The following SMG1 variants were observed in gnomAD, a reference collection of about 807,000 sequenced individuals.
SMG1 encodes the protein SMG1 nonsense mediated mRNA decay associated PI3K related kinase.
A neutral mutation model predicts 419.9 loss-of-function variants in SMG1; 22 were observed. The ratio of observed to expected loss-of-function variants is 0.05; its 90% CI spans 0.04 to 0.07. SMG1 has a LOEUF of 0.07. Among genes scored for constraint, SMG1 ranks in the 10% least tolerant of loss-of-function variants. The pLI, the probability that SMG1 is intolerant of heterozygous loss-of-function variation, is 1.00. For synonymous variants in SMG1, 1,538 were observed against 1,553.5 expected (o/e 0.99, Z 0.23); for missense variants, 3,185 against 4,342.0 (o/e 0.73, Z 7.49).
intron 13 of SMG1, among the ~76,000 whole-genome samples, chr16:18,874,789 C>A (rs2036015314): frequency 7.8e-6 from 1 of 127,732 alleles, no homozygotes; most frequent in Non-Finnish European, 1.6e-5. Flanking sequence ...TTGCTGGAAC[C>A]CGGGAGGCAG....
chr16:18,830,875 T>C (rs2033129468), intron 51 of SMG1, among the ~76,000 whole-genome samples: 1 of 152,254 alleles, frequency 6.6e-6, no homozygotes, highest in Admixed American at 6.5e-5. Context: ...CAATTCGTTA[T>C]TAATGACTGT....
At chr16:18,898,013 G>C (rs2037203274) in intron 1 of SMG1, among the ~76,000 whole-genome samples, 1 of 152,144 alleles carries the variant, frequency 6.6e-6, no homozygotes, top group African/African-American at 2.4e-5. Flanking sequence ...CAGACACTAA[G>C]CTATTCCTCT....
intron 13 of SMG1, chr16:18,875,909 T>C (rs2036104994): frequency 7.1e-6 from 4 of 562,178 alleles, no homozygotes; most frequent in Non-Finnish European, 1.3e-5. Context: ...AAAAAACTTA[T>C]CAAGATTTGT....
intron 1 of SMG1, among the ~76,000 whole-genome samples, chr16:18,909,108 C>T (rs1596646482): frequency 6.6e-6 from 1 of 150,450 alleles, no homozygotes; most frequent in African/African-American, 2.5e-5. Flanking sequence ...TTTAGGAGGC[C>T]GAGGCAGGTG....
chr16:18,880,540 T>C (rs1596584169), intron 10 of SMG1, among the ~76,000 whole-genome samples: 1 of 151,946 alleles, frequency 6.6e-6, no homozygotes, highest in African/African-American at 2.4e-5. Context: ...TAACAACACC[T>C]CATCTCTACT....
At chr16:18,883,018 G>A (rs2036466231) in intron 9 of SMG1, among the ~76,000 whole-genome samples, 2 of 152,138 alleles carry the variant, frequency 1.3e-5, no homozygotes, top group African/African-American at 4.8e-5. Context: ...TTCTAGGTGT[G>A]GGGGCAAAGA....
At chr16:18,850,591 T>G in intron 33 of SMG1, 124 bp from the exon 34 acceptor site, 1 of 643,680 alleles carries the variant, frequency 1.6e-6, no homozygotes, top group Non-Finnish European at 2.7e-6. Flanking sequence ...CCACATTTAG[T>G]GTTATACACA....
At chr16:18,865,522 T>C (rs2035451721) in intron 23 of SMG1, among the ~76,000 whole-genome samples, 1 of 147,976 alleles carries the variant, frequency 6.8e-6, no homozygotes, top group African/African-American at 2.7e-5. Context: ...TAAGCAAAGA[T>C]ATTAAGTGCT....
intron 3 of SMG1, among the ~76,000 whole-genome samples, chr16:18,893,418 A>G (rs2036971717): frequency 6.6e-6 from 1 of 152,168 alleles, no homozygotes; most frequent in Non-Finnish European, 1.5e-5. Context: ...TGAGCCCAGG[A>G]GTTCGAGACC....
At chr16:18,893,871 C>T (rs1393632830) in intron 3 of SMG1, among the ~76,000 whole-genome samples, 3 of 151,978 alleles carry the variant, frequency 2.0e-5, no homozygotes, top group African/African-American at 4.8e-5. Flanking sequence ...GCCTGGCCAA[C>T]GTGGTGGAAC....
At chr16:18,897,193 G>A (rs1180257443) in intron 1 of SMG1, among the ~76,000 whole-genome samples, 1 of 152,168 alleles carries the variant, frequency 6.6e-6, no homozygotes, top group African/African-American at 2.4e-5. Flanking sequence ...GACCCATTCA[G>A]AAATATGAAC....
At chr16:18,851,392 TAC>T (rs71374432) in intron 33 of SMG1, among the ~76,000 whole-genome samples, 15,526 of 150,002 alleles carry the variant, frequency 0.1, 866 homozygotes, top group Middle Eastern at 0.18. Context: ...TAAGTTTAAA[TAC>T]ACACACACAC....
rs1350973736 is a variant in SMG1 at position 18,838,188 on chromosome 16, C to G, written c.7239G>C (p.Leu2413=). Residue 2413 remains leucine, a synonymous_variant, in exon 45 of 63, where the codon CTG becomes CTC. Coordinates refer to ENST00000446231, the MANE Select transcript of SMG1 (RefSeq NM_015092.5). The stretch of plus-strand genomic sequence containing the variant: ...GAGGGTCGTACACAAAGGCCTCCAG[C>G]AGCGTCAGCAGGGTCTCTCTGCCAC... ...MRRGRETLLT[L]LEAFVYDPLV... 1.2e-6 allele frequency: 2 copies of G among 1,612,674 alleles called. No individual in the cohort carries two copies. Among genetic ancestry groups the G allele is most frequent in the Non-Finnish European group, 1.7e-6 (2 of 1,179,240 alleles).
intron 31 of SMG1, 70 bp from the exon 32 acceptor site, chr16:18,852,532 G>A (rs1160350962): frequency 1.5e-5 from 19 of 1,289,354 alleles, no homozygotes; most frequent in East Asian, 2.8e-5. Context: ...AATTCCTAAC[G>A]ACATTTCCAT....
chr16:18,862,803 C>T (rs1596542540), intron 25 of SMG1, among the ~76,000 whole-genome samples: 1 of 152,168 alleles, frequency 6.6e-6, no homozygotes, highest in African/African-American at 2.4e-5. Flanking sequence ...GCCCTTATAT[C>T]CTACTGTTTA....
At chr16:18,838,527 A>G in intron 43 of SMG1, 24 bp downstream of exon 43, 1 of 1,613,956 alleles carries the variant, frequency 6.2e-7, no homozygotes, top group Non-Finnish European at 8.5e-7. Context: ...GCCCTCATAA[A>G]TGTAAAGTCT....
intron 1 of SMG1, among the ~76,000 whole-genome samples, chr16:18,921,717 T>C (rs1342091547): frequency 6.6e-6 from 1 of 152,228 alleles, no homozygotes; most frequent in East Asian, 1.9e-4. Context: ...TACAGACTGA[T>C]AAAAGGCTGA....
chr16:18,834,962 G>C lies in SMG1; in HGVS notation c.8260C>G (p.His2754Asp), dbSNP rs2033461736. The C allele has an allele frequency of 3.7e-6, 6 of 1,613,884 alleles. No homozygotes were observed. The highest frequency in any genetic ancestry group is 5.1e-6 in the Non-Finnish European group (6 of 1,179,892). Residue 2754 changes from histidine to aspartate, a missense_variant, in exon 49 of 63, where the codon CAT becomes GAT. Physicochemically the swap from His to Asp is moderately conservative, Grantham distance 81. This residue lies in a region of SMG1 where 412 missense variants were observed against 546.6 expected (regional missense o/e 0.75). Transcript: ENST00000446231. ...EIERCIKVFL[H>D]ENGEEGSLSL... ...AAAGATCCTTCTTCTCCATTCTCATGAAGGAAAACTTTAATGCAACGTTCA... is the reference window on the plus strand; with the variant it reads ...AAAGATCCTTCTTCTCCATTCTCATCAAGGAAAACTTTAATGCAACGTTCA...
intron 13 of SMG1, among the ~76,000 whole-genome samples, chr16:18,873,109 A>G (rs1295970643): frequency 5.3e-5 from 8 of 152,122 alleles, no homozygotes; most frequent in South Asian, 2.1e-4. Context: ...ACCCGAGATC[A>G]TACCACTGCA....
Sources: gnomAD v4.1 joint callset for allele counts (sites outside exome capture counted in the v4.1 genomes callset) on GRCh38, gnomAD v4.1.1 for gene constraint, gnomAD v4.1.1 regional missense constraint, MANE v1.5 for transcripts, NCBI Gene and HGNC (gene_info 2026-07-23, HGNC 2026-07-21) for gene names.